The following CTNNA3 variants were observed in gnomAD, a reference collection of about 807,000 sequenced individuals.
The protein encoded by CTNNA3 is catenin alpha-3.
Under a neutral mutation model 95.7 loss-of-function variants are expected in CTNNA3, and 76 were observed. That is an observed-to-expected ratio of 0.79 (90% CI 0.66 to 0.96). CTNNA3 has a LOEUF of 0.96. CTNNA3 is among the 40% of genes least tolerant of loss of function. The probability of loss-of-function intolerance (pLI) is 0.00; values close to 1 mark genes in which losing one functional copy is unlikely to be tolerated. For synonymous variants in CTNNA3, 431 were observed against 374.4 expected, an observed-to-expected ratio of 1.15 and a Z score of -1.74; for missense variants, 1,191 against 1,089.8, an observed-to-expected ratio of 1.09 and a Z score of -1.31.
At chr10:67,744,616 C>G (rs1841363665) in intron 1 of CTNNA3, among the ~76,000 whole-genome samples, 1 of 151,002 alleles carries the variant, frequency 6.6e-6, no homozygotes, top group South Asian at 2.1e-4. Flanking sequence ...GTCTAAAACA[C>G]CAAAAGCAAT....
intron 9 of CTNNA3, among the ~76,000 whole-genome samples, chr10:66,685,600 C>A (rs973179214): frequency 4.6e-5 from 7 of 150,940 alleles, no homozygotes; most frequent in African/African-American, 1.7e-4. Flanking sequence ...TCTCGATCTC[C>A]TGACCTCGTG....
intron 13 of CTNNA3, among the ~76,000 whole-genome samples, chr10:66,153,577 T>A (rs2084319503): frequency 6.6e-6 from 1 of 151,870 alleles, no homozygotes; most frequent in Admixed American, 6.6e-5. Flanking sequence ...TTGGGCAAAG[T>A]TTGTATACCA....
intron 9 of CTNNA3, among the ~76,000 whole-genome samples, chr10:66,695,981 A>G (rs1847748698): frequency 6.6e-6 from 1 of 152,056 alleles, no homozygotes; most frequent in South Asian, 2.1e-4. Flanking sequence ...CCAAAATAGA[A>G]CAGCATCTTT....
At chr10:66,202,858 T>A (rs565798175) in intron 13 of CTNNA3, among the ~76,000 whole-genome samples, 1 of 152,358 alleles carries the variant, frequency 6.6e-6, no homozygotes, top group African/African-American at 2.4e-5. Flanking sequence ...TAAGGTGATA[T>A]CAATTAATTA....
chr10:66,150,243 T>A (rs1993811), intron 13 of CTNNA3, among the ~76,000 whole-genome samples: 25,364 of 151,842 alleles, frequency 0.17, 2,403 homozygotes, highest in Admixed American at 0.25. Context: ...AAAACAAGAG[T>A]TTTTCTGCAC....
chr10:66,129,396 C>A (rs2082981099), intron 13 of CTNNA3, among the ~76,000 whole-genome samples: 1 of 152,176 alleles, frequency 6.6e-6, no homozygotes, highest in African/African-American at 2.4e-5. Context: ...CCAGGGAAAG[C>A]TGCTTAGAGA....
At chr10:67,038,244 TA>T (rs894446367) in intron 7 of CTNNA3, among the ~76,000 whole-genome samples, 2 of 152,128 alleles carry the variant, frequency 1.3e-5, no homozygotes, top group Non-Finnish European at 2.9e-5. Flanking sequence ...TTAGCCATTC[TA>T]AAAAAATCTA....
intron 13 of CTNNA3, among the ~76,000 whole-genome samples, chr10:66,224,358 C>T (rs967606932): frequency 6.6e-6 from 1 of 152,194 alleles, no homozygotes; most frequent in Non-Finnish European, 1.5e-5. Flanking sequence ...ATGCCTGACA[C>T]ATTTTATACT....
At chr10:67,553,596 C>T (rs944737552) in intron 3 of CTNNA3, among the ~76,000 whole-genome samples, 9 of 152,088 alleles carry the variant, frequency 5.9e-5, no homozygotes, top group South Asian at 4.1e-4. Context: ...TTTAAAAATA[C>T]GGGAAATAAG....
intron 13 of CTNNA3, among the ~76,000 whole-genome samples, chr10:66,223,722 A>G (rs562737834): frequency 1.3e-5 from 2 of 152,344 alleles, no homozygotes; most frequent in South Asian, 4.1e-4. Flanking sequence ...TGGTATGACC[A>G]TTAATTTTAT....
intron 9 of CTNNA3, among the ~76,000 whole-genome samples, chr10:66,645,892 C>A (rs1845691316): frequency 6.6e-6 from 1 of 152,156 alleles, no homozygotes; most frequent in South Asian, 2.1e-4. Context: ...GGGATCGCTG[C>A]CCTATTCTGT....
At chr10:65,930,844 T>A (rs2077241634) in intron 17 of CTNNA3, among the ~76,000 whole-genome samples, 1 of 152,188 alleles carries the variant, frequency 6.6e-6, no homozygotes, top group South Asian at 2.1e-4. Flanking sequence ...TGCCTATTCA[T>A]CTCTATACAA....
chr10:67,355,406 C>G (rs939056445), intron 5 of CTNNA3, among the ~76,000 whole-genome samples: 19 of 151,754 alleles, frequency 1.3e-4, no homozygotes, highest in African/African-American at 4.4e-4. Flanking sequence ...GAATACATTA[C>G]CTAGTTTTAT....
chr10:66,660,558 A>G (rs7076872), intron 9 of CTNNA3, among the ~76,000 whole-genome samples: 2,091 of 152,282 alleles, frequency 0.014, 38 homozygotes, highest in Middle Eastern at 0.048. Flanking sequence ...GTTGGTTACA[A>G]AAGGTCCCTG....
chr10:67,320,331 A>G (rs1841258750), intron 5 of CTNNA3, among the ~76,000 whole-genome samples: 1 of 152,194 alleles, frequency 6.6e-6, no homozygotes, highest in South Asian at 2.1e-4. Flanking sequence ...TGTGCAGAAC[A>G]TATGAGGGAG....
At chr10:66,364,274 G>A (rs2132440610) in intron 12 of CTNNA3, among the ~76,000 whole-genome samples, 1 of 150,384 alleles carries the variant, frequency 6.6e-6, no homozygotes, top group Middle Eastern at 3.5e-3. Context: ...CAGGTGCACT[G>A]ACTCATGACT....
intron 14 of CTNNA3, among the ~76,000 whole-genome samples, chr10:66,095,897 C>A (rs2133711688): frequency 6.6e-6 from 1 of 152,078 alleles, no homozygotes; most frequent in Admixed American, 6.6e-5. Flanking sequence ...GGCAGGTTGA[C>A]AAACTATATG....
At chr10:66,412,167 T>G (rs943879578) in intron 11 of CTNNA3, among the ~76,000 whole-genome samples, 1 of 152,010 alleles carries the variant, frequency 6.6e-6, no homozygotes, top group Non-Finnish European at 1.5e-5. Flanking sequence ...TCCAGCAAGA[T>G]AAAAAGCTAA....
intron 13 of CTNNA3, among the ~76,000 whole-genome samples, chr10:66,190,892 G>A (rs893924932): frequency 6.6e-6 from 1 of 152,106 alleles, no homozygotes; most frequent in Admixed American, 6.6e-5. Context: ...TAGCTTGAGT[G>A]TAAATAGCAA....
Sources: gnomAD v4.1 joint callset for allele counts (sites outside exome capture counted in the v4.1 genomes callset) on GRCh38, gnomAD v4.1.1 for gene constraint, MANE v1.5 for transcripts, NCBI Gene and HGNC (gene_info 2026-07-23, HGNC 2026-07-21) for gene names.